The following CA10 variants were observed in gnomAD, a reference collection of about 807,000 sequenced individuals.
CA10 encodes carbonic anhydrase-related protein 10.
A neutral mutation model predicts 44.2 loss-of-function variants in CA10; 14 were observed. That is an observed-to-expected ratio of 0.32 (90% confidence interval 0.21 to 0.50). The LOEUF is 0.50. Among genes scored for constraint, CA10 ranks in the 20% least tolerant of loss-of-function variants. CA10 has a pLI of 0.99. For synonymous variants in CA10, 159 were observed against 141.6 expected (o/e 1.12, Z -0.87); for missense variants, 350 against 409.7 (o/e 0.85, Z 1.26).
At chr17:51,984,656 C>T (rs1984767062) in intron 2 of CA10, among the ~76,000 whole-genome samples, 1 of 151,834 alleles carries the variant, frequency 6.6e-6, no homozygotes, top group Admixed American at 6.6e-5. Context: ...CAAATAACCT[C>T]ACTAAGAAAC....
At chr17:51,745,847 CAA>C (rs1048422210) in intron 4 of CA10, among the ~76,000 whole-genome samples, 2 of 151,984 alleles carry the variant, frequency 1.3e-5, no homozygotes, top group Non-Finnish European at 2.9e-5. Flanking sequence ...TAACAGCAAA[CAA>C]AAAAATGAGC....
intron 1 of CA10, among the ~76,000 whole-genome samples, chr17:52,150,448 T>C (rs940684991): frequency 1.1e-4 from 17 of 152,220 alleles, no homozygotes; most frequent in African/African-American, 4.1e-4. Flanking sequence ...GTCTTACTTA[T>C]TCTGGTTGGA....
chr17:51,884,658 G>C (rs1980520790), intron 3 of CA10, among the ~76,000 whole-genome samples: 1 of 152,132 alleles, frequency 6.6e-6, no homozygotes, highest in Non-Finnish European at 1.5e-5. Flanking sequence ...TAGTGTCCTA[G>C]TGCTGTGTTA....
intron 3 of CA10, among the ~76,000 whole-genome samples, chr17:51,924,669 C>A (rs996575044): frequency 3.3e-5 from 5 of 152,126 alleles, no homozygotes; most frequent in Admixed American, 3.3e-4. Context: ...CCAGCTCCAC[C>A]CTTAGGGGTT....
chr17:52,044,047 A>G (rs1986841097), intron 2 of CA10, among the ~76,000 whole-genome samples: 1 of 152,120 alleles, frequency 6.6e-6, no homozygotes, highest in African/African-American at 2.4e-5. Flanking sequence ...TGGCTTTGAT[A>G]TGAAAATCAT....
At chr17:52,063,802 T>TCCAG (rs1908275203) in intron 2 of CA10, among the ~76,000 whole-genome samples, 1 of 152,160 alleles carries the variant, frequency 6.6e-6, no homozygotes, top group South Asian at 2.1e-4. Context: ...TTATGAATTA[T>TCCAG]CCAGCCTCAG....
chr17:51,750,502 CT>C (rs11322338), intron 3 of CA10, among the ~76,000 whole-genome samples: 60,058 of 152,008 alleles, frequency 0.4, 13,173 homozygotes, highest in Middle Eastern at 0.53. Context: ...AGCCCTTTCA[CT>C]TTTTCATTAT....
chr17:51,906,764 A>G (rs1567880408), intron 3 of CA10, among the ~76,000 whole-genome samples: 1 of 151,982 alleles, frequency 6.6e-6, no homozygotes. Context: ...AGTCTTCTCT[A>G]TCTCAATATA....
chr17:51,959,982 A>G (rs768739328), intron 2 of CA10, among the ~76,000 whole-genome samples: 69 of 152,116 alleles, frequency 4.5e-4, no homozygotes, highest in Non-Finnish European at 7.1e-4. Context: ...TGATGTTGAA[A>G]TTATTGGACA....
chr17:51,760,620 T>C (rs1905192149), intron 3 of CA10, among the ~76,000 whole-genome samples: 1 of 152,202 alleles, frequency 6.6e-6, no homozygotes, highest in African/African-American at 2.4e-5. Flanking sequence ...TTGTGCTCTT[T>C]CATATTGTTT....
intron 2 of CA10, among the ~76,000 whole-genome samples, chr17:51,944,063 C>A (rs1016506252): frequency 2.0e-5 from 3 of 152,134 alleles, no homozygotes; most frequent in African/African-American, 7.2e-5. Flanking sequence ...ACCAAACAAC[C>A]TTTGGATAGA....
At chr17:51,697,819 G>A (rs768450466) in intron 4 of CA10, among the ~76,000 whole-genome samples, 3 of 152,206 alleles carry the variant, frequency 2.0e-5, no homozygotes, top group Non-Finnish European at 4.4e-5. Flanking sequence ...AAGGAATGTA[G>A]CTATTATTGT....
chr17:51,751,562 C>A (rs1263945), intron 3 of CA10, among the ~76,000 whole-genome samples: 5 of 151,938 alleles, frequency 3.3e-5, no homozygotes, highest in African/African-American at 1.2e-4. Context: ...GGCATGGGTG[C>A]CTAGGTGATA....
intron 2 of CA10, among the ~76,000 whole-genome samples, chr17:52,069,134 C>T (rs1011384157): frequency 6.6e-6 from 1 of 152,190 alleles, no homozygotes; most frequent in South Asian, 2.1e-4. Flanking sequence ...ATCTGCTTTA[C>T]TCAAAGTTTA....
At chr17:52,064,513 G>A (rs1567721140) in intron 2 of CA10, among the ~76,000 whole-genome samples, 1 of 151,956 alleles carries the variant, frequency 6.6e-6, no homozygotes, top group Non-Finnish European at 1.5e-5. Context: ...TTTCTTTCCT[G>A]GGAGTACTGT....
At chr17:51,647,179 C>G (rs1322601725) in intron 6 of CA10, among the ~76,000 whole-genome samples, 2 of 152,126 alleles carry the variant, frequency 1.3e-5, no homozygotes, top group African/African-American at 4.8e-5. Context: ...GGCTCAAGAT[C>G]CGGCTCCAGA....
At chr17:51,979,220 A>G (rs1984567539) in intron 2 of CA10, among the ~76,000 whole-genome samples, 1 of 152,194 alleles carries the variant, frequency 6.6e-6, no homozygotes, top group South Asian at 2.1e-4. Context: ...CACAGCCTTA[A>G]TGAGAAATAA....
At chr17:51,903,322 AC>A (rs1431452118) in intron 3 of CA10, among the ~76,000 whole-genome samples, 1 of 152,100 alleles carries the variant, frequency 6.6e-6, no homozygotes, top group Non-Finnish European at 1.5e-5. Context: ...GAAGTGGCTT[AC>A]TTAATATTGC....
chr17:51,838,305 T>C (rs552576925), intron 3 of CA10, among the ~76,000 whole-genome samples: 111 of 152,248 alleles, frequency 7.3e-4, no homozygotes, highest in Non-Finnish European at 1.4e-3. Flanking sequence ...CTATGTCTTT[T>C]GTATATCTAT....
Sources: gnomAD v4.1 joint callset for allele counts (sites outside exome capture counted in the v4.1 genomes callset) on GRCh38, gnomAD v4.1.1 for gene constraint, MANE v1.5 for transcripts, NCBI Gene and HGNC (gene_info 2026-07-23, HGNC 2026-07-21) for gene names.